TP53BP1: variants seen among roughly 807,000 people sequenced by gnomAD.
TP53BP1 encodes the protein tumor protein p53 binding protein 1.
Under a neutral mutation model 200.8 loss-of-function variants are expected in TP53BP1, and 61 were observed. The ratio of observed to expected loss-of-function variants is 0.30; its 90% CI spans 0.25 to 0.38. The LOEUF (loss-of-function observed/expected upper bound fraction) is 0.38. TP53BP1 is among the 10% of genes least tolerant of loss of function. The pLI is 1.00. For missense variants in TP53BP1, 2,144 were observed against 2,371.9 expected (o/e 0.90, Z 2.00); for synonymous variants, 822 against 844.3 (o/e 0.97, Z 0.46).
At chr15:43,449,690 T>C (rs1345498218) in intron 12 of TP53BP1, among the ~76,000 whole-genome samples, 4 of 152,196 alleles carry the variant, frequency 2.6e-5, no homozygotes, top group Non-Finnish European at 5.9e-5. Context: ...CTAACCCCCA[T>C]TCTTTCTGCA....
intron 1 of TP53BP1, among the ~76,000 whole-genome samples, chr15:43,498,652 C>T (rs762637454): frequency 5.9e-5 from 9 of 152,130 alleles, no homozygotes; most frequent in Non-Finnish European, 8.8e-5. Flanking sequence ...ACAGATGATC[C>T]AGAACTGAAT....
chr15:43,404,835 A>G lies in TP53BP1; in HGVS notation c.*2548T>C. 2.1e-6 allele frequency: 1 copy of G among 478,946 alleles called. No individual in the cohort carries two copies. Among genetic ancestry groups the G allele is most frequent in the Non-Finnish European group, 3.7e-6 (1 of 271,006 alleles). 29.7% of individuals were successfully genotyped at this position (478,946 alleles called of 1,614,324 possible). A position where few individuals can be genotyped will look rare whatever the true frequency, so the allele number is the denominator to read the frequency against. ...GGGAGGCAGTGGGCCTTCCACTCCC[A>G]ATTCTGATATGAACTAGCTGTGCAG... On this transcript the variant is annotated 3_prime_UTR_variant, in exon 28 of 28. Transcript: ENST00000382044.
At chr15:43,490,645 G>A (rs2079108875) in intron 4 of TP53BP1, among the ~76,000 whole-genome samples, 1 of 152,074 alleles carries the variant, frequency 6.6e-6, no homozygotes, top group Non-Finnish European at 1.5e-5. Flanking sequence ...CATTCTCCTT[G>A]GACCTTAGAA....
intron 9 of TP53BP1, 117 bp from the exon 10 acceptor site, chr15:43,474,884 C>A (rs984792498): frequency 1.5e-6 from 1 of 646,828 alleles, no homozygotes; most frequent in South Asian, 2.2e-5. Flanking sequence ...AAATACTTAT[C>A]AGCACTTTTC....
chr15:43,423,965 T>A (rs1308962301), intron 18 of TP53BP1, among the ~76,000 whole-genome samples: 1 of 152,160 alleles, frequency 6.6e-6, no homozygotes, highest in Non-Finnish European at 1.5e-5. Context: ...ACCACACTCA[T>A]CCTTACCTCG....
rs1336304440 is a variant in TP53BP1, at chr15:43,409,106, A to C, written c.5401-10T>G. 7.4e-6 allele frequency: 12 copies of C among 1,613,994 alleles called. No individual in the cohort carries two copies. Among genetic ancestry groups the C allele is most frequent in the Non-Finnish European group, 1.0e-5 (12 of 1,179,890 alleles). On this transcript the variant is annotated splice_polypyrimidine_tract_variant and intron_variant, in intron 25 of 27. Coordinates refer to ENST00000382044, the MANE Select transcript of TP53BP1 (RefSeq NM_001141980.3). Reference sequence around the variant, plus strand: ...GGTAAGCTGTGTTACACTGCAAGAAAAGAAGCAGAGCCAATGGGTTTGGTG... The same window carrying C: ...GGTAAGCTGTGTTACACTGCAAGAACAGAAGCAGAGCCAATGGGTTTGGTG...
In TP53BP1 at chr15:43,404,603, A is replaced by G. The variant is rs746108017; in HGVS notation, c.*2780T>C. ...GTAGACTTTTTAAGGTGGCTTTTTA[A>G]TGAGTTGTAGAATTCTAGAACTGGA... is the stretch of plus-strand genomic sequence containing the variant. On this transcript the variant is annotated 3_prime_UTR_variant, in exon 28 of 28. Transcript: ENST00000382044. 7 of 1,596,458 alleles carry G rather than the reference A, an allele frequency of 4.4e-6. No homozygotes were observed. The highest frequency in any genetic ancestry group is 4.3e-6 in the Non-Finnish European group (5 of 1,169,240).
intron 19 of TP53BP1, among the ~76,000 whole-genome samples, chr15:43,421,487 A>G (rs541596758): frequency 6.6e-6 from 1 of 152,348 alleles, no homozygotes; most frequent in African/African-American, 2.4e-5. Flanking sequence ...CCTGCAAAGA[A>G]TAACAAAAAG....
At chr15:43,462,925 T>C (rs987839305) in intron 11 of TP53BP1, among the ~76,000 whole-genome samples, 1 of 152,032 alleles carries the variant, frequency 6.6e-6, no homozygotes, top group African/African-American at 2.4e-5. Flanking sequence ...GGCATGGTGG[T>C]GTGCACTTTT....
At position 43,487,665 on chromosome 15, in the gene TP53BP1, C is replaced by T. The variant is rs1207515465; in HGVS notation, c.371+4004G>A. Among the ~76,000 whole-genome samples the T allele has an allele frequency of 3.3e-5, 5 of 151,820 alleles. No homozygotes were observed. The South Asian group carries it at 1.0e-3, about 32-fold the overall frequency. On this transcript the variant is annotated intron_variant, in intron 4 of 27. Coordinates refer to ENST00000382044, the MANE Select transcript of TP53BP1 (RefSeq NM_001141980.3). ...AAAATTAGCCAGGCGTGATGGTGCA[C>T]GGCTGTAGTCCCAGCTACTCAGGAT... is the stretch of plus-strand genomic sequence containing the variant.
chr15:43,455,861 G>A (rs1052138276), intron 12 of TP53BP1, 31 bp downstream of exon 12: 2 of 1,607,258 alleles, frequency 1.2e-6, no homozygotes, highest in African/African-American at 2.7e-5. Context: ...TAATTTAGGT[G>A]GAGACAAGAA....
intron 11 of TP53BP1, among the ~76,000 whole-genome samples, chr15:43,466,733 A>C (rs1318249463): frequency 1.3e-5 from 2 of 152,134 alleles, no homozygotes; most frequent in African/African-American, 2.4e-5. Flanking sequence ...AGTGTGTGCC[A>C]CTAGTCCTAG....
chr15:43,413,073 A>G (rs1471124366), intron 24 of TP53BP1, 46 bp downstream of exon 24: 22 of 1,587,860 alleles, frequency 1.4e-5, no homozygotes, highest in Non-Finnish European at 1.9e-5. Flanking sequence ...TGGAAAAGAA[A>G]GAAGTGCCTA....
chr15:43,403,758 C>G lies in TP53BP1; in HGVS notation c.*3625G>C. On this transcript the variant is annotated 3_prime_UTR_variant, in exon 28 of 28. Coordinates refer to ENST00000382044, the MANE Select transcript of TP53BP1 (RefSeq NM_001141980.3). ...GCTGGTCAGTCAGAACCTAGGCCCA[C>G]TGGATGAGCGTGGAGCCGCCCAGCT... 6.2e-7 allele frequency: 1 copy of G among 1,613,924 alleles called. No homozygotes were observed. The highest frequency in any genetic ancestry group is 1.1e-5 in the South Asian group (1 of 91,054).
intron 11 of TP53BP1, among the ~76,000 whole-genome samples, chr15:43,466,358 C>A (rs1342957021): frequency 6.6e-6 from 1 of 152,054 alleles, no homozygotes; most frequent in African/African-American, 2.4e-5. Context: ...GGTGGAGAAT[C>A]TAGGGTTGAT....
In TP53BP1 at chr15:43,455,979, C is replaced by A; in HGVS notation, c.2629G>T (p.Ala877Ser). The A allele has an allele frequency of 6.2e-7, 1 of 1,614,152 alleles. No individual in the cohort carries two copies. The highest frequency in any genetic ancestry group is 2.2e-5 in the East Asian group (1 of 44,880). Residue 877 changes from alanine (A) to serine (S), a missense_variant, in exon 12 of 28, where the codon GCA becomes TCA. Physicochemically the swap from Ala to Ser is moderately conservative, Grantham distance 99. Transcript: ENST00000382044. The part of the protein sequence containing the change: ...SLTEDSKMAN[A>S]KQLSSDAEAQ... Reference sequence around the variant, plus strand: ...TCTGCATCTGAGCTTAGCTGCTTTGCATTAGCCATTTTTGAGTCTTCTGTT... The same window carrying A: ...TCTGCATCTGAGCTTAGCTGCTTTGAATTAGCCATTTTTGAGTCTTCTGTT...
At chr15:43,475,512 T>C in intron 9 of TP53BP1, 53 bp downstream of exon 9, 1 of 1,603,860 alleles carries the variant, frequency 6.2e-7, no homozygotes, top group Non-Finnish European at 8.5e-7. Context: ...AGCCTTAGCC[T>C]AAGACTCTCA....
chr15:43,481,086 T>C, intron 4 of TP53BP1, 64 bp from the exon 5 acceptor site: 1 of 1,598,650 alleles, frequency 6.3e-7, no homozygotes, highest in Non-Finnish European at 8.6e-7. Flanking sequence ...ATCAGAGCAC[T>C]CTGACCCCCA....
intron 18 of TP53BP1, among the ~76,000 whole-genome samples, chr15:43,422,794 G>A (rs986851609): frequency 1.3e-5 from 2 of 152,086 alleles, no homozygotes; most frequent in African/African-American, 4.8e-5. Flanking sequence ...AGGAGCTTGA[G>A]ACCACCTTAG....
Sources: gnomAD v4.1 joint callset for allele counts (sites outside exome capture counted in the v4.1 genomes callset) on GRCh38, gnomAD v4.1.1 for gene constraint, MANE v1.5 for transcripts, NCBI Gene and HGNC (gene_info 2026-07-23, HGNC 2026-07-21) for gene names.